The following ADORA2B variants were observed in gnomAD, a reference collection of about 807,000 sequenced individuals.
ADORA2B encodes the protein adenosine A2b receptor, also known as adenosine receptor A2b.
Under a neutral mutation model 20.8 loss-of-function variants are expected in ADORA2B, and 18 were observed. The observed-to-expected ratio is 0.87, with a 90% CI of 0.60 to 1.29. The LOEUF (loss-of-function observed/expected upper bound fraction) is 1.29. Among genes scored for constraint, ADORA2B ranks in the 50% most tolerant of loss-of-function variants. The pLI, the probability that ADORA2B is intolerant of heterozygous loss-of-function variation, is 0.00. For synonymous variants in ADORA2B, 179 were observed against 178.3 expected, an observed-to-expected ratio of 1.00 and a Z score of -0.03; for missense variants, 441 against 422.7, an observed-to-expected ratio of 1.04 and a Z score of -0.38.
chr17:15,871,185 A>G, the ADORA2B span, among the ~76,000 whole-genome samples: 1 of 152,202 alleles, frequency 6.6e-6, no homozygotes, highest in Non-Finnish European at 1.5e-5. Flanking sequence ...GAGGAATAAA[A>G]ATGGCTTTCT....
At chr17:15,942,538 G>A (rs1969753727), upstream of ADORA2B, among the ~76,000 whole-genome samples, 1 of 152,164 alleles carries the variant, frequency 6.6e-6, no homozygotes, top group Non-Finnish European at 1.5e-5. Context: ...GGTGATTCAG[G>A]GAAGGTTTCC....
At chr17:15,919,412 C>T in the ADORA2B span, among the ~76,000 whole-genome samples, 1 of 152,208 alleles carries the variant, frequency 6.6e-6, no homozygotes, top group African/African-American at 2.4e-5. Context: ...AGAAACACCT[C>T]TCCATTCCCC....
intron 1 of ADORA2B, among the ~76,000 whole-genome samples, chr17:15,970,419 T>C (rs1302126546): frequency 2.0e-5 from 3 of 152,288 alleles, no homozygotes; most frequent in Admixed American, 6.5e-5. Context: ...GTTGTTGTTC[T>C]GAACTCTAGT....
At chr17:15,873,856 A>C in the ADORA2B span, among the ~76,000 whole-genome samples, 2 of 152,120 alleles carry the variant, frequency 1.3e-5, no homozygotes, top group African/African-American at 2.4e-5. Flanking sequence ...AGAACTAGAA[A>C]TAGATCTACC....
At chr17:15,917,685 G>A in the ADORA2B span, among the ~76,000 whole-genome samples, 1 of 152,244 alleles carries the variant, frequency 6.6e-6, no homozygotes, top group Non-Finnish European at 1.5e-5. Context: ...GCTCCGCGCC[G>A]GTGACGGGGG....
upstream of ADORA2B, among the ~76,000 whole-genome samples, chr17:15,941,064 C>T (rs967426882): frequency 8.5e-5 from 13 of 152,146 alleles, no homozygotes; most frequent in South Asian, 6.2e-4. Context: ...AGAGATGAGA[C>T]GATGTGTACT....
chr17:15,973,197 G>A (rs563158062), intron 1 of ADORA2B, among the ~76,000 whole-genome samples: 1 of 152,276 alleles, frequency 6.6e-6, no homozygotes, highest in South Asian at 2.1e-4. Flanking sequence ...TCCTTGCCTG[G>A]AGCCACAGGT....
At chr17:15,873,165 T>G in the ADORA2B span, among the ~76,000 whole-genome samples, 1 of 152,250 alleles carries the variant, frequency 6.6e-6, no homozygotes, top group East Asian at 1.9e-4. Context: ...GATGATCATA[T>G]GGTTTTTGTT....
the ADORA2B span, among the ~76,000 whole-genome samples, chr17:15,868,734 C>CATG: frequency 2.2e-5 from 3 of 139,204 alleles, no homozygotes; most frequent in African/African-American, 7.8e-5. Context: ...GAGCTGAGAT[C>CATG]ATGCCACTGC....
chr17:15,887,683 C>T, the ADORA2B span, among the ~76,000 whole-genome samples: 324 of 127,420 alleles, frequency 2.5e-3, 95 homozygotes, highest in African/African-American at 0.01. Context: ...TGTGGTCGCT[C>T]ACGCCTGTAA....
Position 15,951,425 on chromosome 17 carries a change from ACCCAAGCCT to A in ADORA2B, c.335+5843_335+5851del, listed in dbSNP as rs1183431864. Among the ~76,000 whole-genome samples the A allele has an allele frequency of 2.0e-5, 3 of 152,262 alleles. No individual in the cohort carries two copies. The East Asian group carries it at 5.8e-4, about 29-fold the overall frequency. ...ACCCTGTTACCTGCATCAGGGCATC[ACCCAAGCCT>A]GAGTGTTACTTTGCTGTCATTTGTC... On this transcript the variant is annotated intron_variant, in intron 1 of 1. Transcript: ENST00000304222.
upstream of ADORA2B, among the ~76,000 whole-genome samples, chr17:15,941,589 A>G (rs1159245835): frequency 6.6e-6 from 1 of 151,900 alleles, no homozygotes; most frequent in African/African-American, 2.4e-5. Context: ...TTAACCAGGC[A>G]TGGTGGTGTG....
chr17:15,875,078 G>C, the ADORA2B span, among the ~76,000 whole-genome samples: 2 of 151,962 alleles, frequency 1.3e-5, no homozygotes, highest in Non-Finnish European at 2.9e-5. Flanking sequence ...TGCTTTGCTT[G>C]CTTTTCTGTT....
chr17:15,851,876 A>G, the ADORA2B span, among the ~76,000 whole-genome samples: 1 of 152,326 alleles, frequency 6.6e-6, no homozygotes, highest in African/African-American at 2.4e-5. Flanking sequence ...CATTGCCCTC[A>G]GTTTACCCTC....
At chr17:15,873,823 A>C in the ADORA2B span, among the ~76,000 whole-genome samples, 3 of 152,162 alleles carry the variant, frequency 2.0e-5, no homozygotes, top group Non-Finnish European at 4.4e-5. Context: ...ACCTCTTTGG[A>C]AAATAGTATG....
the ADORA2B span, among the ~76,000 whole-genome samples, chr17:15,856,863 A>G: frequency 1.4e-4 from 21 of 152,348 alleles, no homozygotes; most frequent in South Asian, 4.1e-3. Context: ...AGTACAATAG[A>G]AATGAAAAAC....
At chr17:15,920,592 G>A in the ADORA2B span, among the ~76,000 whole-genome samples, 1 of 152,180 alleles carries the variant, frequency 6.6e-6, no homozygotes, top group African/African-American at 2.4e-5. Context: ...GTGGTGGCAC[G>A]TGCCATTAGT....
intron 1 of ADORA2B, among the ~76,000 whole-genome samples, chr17:15,953,987 T>TC (rs1364780211): frequency 1.8e-4 from 28 of 152,120 alleles, no homozygotes; most frequent in African/African-American, 6.8e-4. Flanking sequence ...ATTTACATTT[T>TC]TTTTTTTTTG....
the ADORA2B span, among the ~76,000 whole-genome samples, chr17:15,918,984 C>T: frequency 6.6e-6 from 1 of 152,120 alleles, no homozygotes; most frequent in Non-Finnish European, 1.5e-5. Flanking sequence ...GGTCCTGAGC[C>T]CCCACCACCA....
Sources: gnomAD v4.1 joint callset for allele counts (sites outside exome capture counted in the v4.1 genomes callset) on GRCh38, gnomAD v4.1.1 for gene constraint, MANE v1.5 for transcripts, NCBI Gene and HGNC (gene_info 2026-07-23, HGNC 2026-07-21) for gene names.